The following CNTNAP2 variants were observed in gnomAD, a reference collection of about 807,000 sequenced individuals.
The protein encoded by CNTNAP2 is contactin-associated protein-like 2.
In CNTNAP2, 98 loss-of-function variants were observed where a neutral mutation model predicts 155.2. The ratio of observed to expected loss-of-function variants is 0.63; its 90% CI spans 0.54 to 0.75. CNTNAP2 has a LOEUF of 0.75. CNTNAP2 is among the 30% of genes least tolerant of loss of function. CNTNAP2 has a pLI of 0.00. For synonymous variants in CNTNAP2, 651 were observed against 631.2 expected (o/e 1.03, Z -0.47); for missense variants, 1,727 against 1,688.1 (o/e 1.02, Z -0.40).
chr7:146,484,219 G>A (rs182301928), intron 1 of CNTNAP2, among the ~76,000 whole-genome samples: 1 of 152,158 alleles, frequency 6.6e-6, no homozygotes, highest in Non-Finnish European at 1.5e-5. Flanking sequence ...TACCATTTAG[G>A]TTTGGTTAAG....
chr7:147,671,464 AT>A (rs1795785598), intron 13 of CNTNAP2, among the ~76,000 whole-genome samples: 1 of 152,216 alleles, frequency 6.6e-6, no homozygotes, highest in African/African-American at 2.4e-5. Flanking sequence ...TTCAAATTAT[AT>A]CTCATGAAAA....
rs1231355375 is a variant in CNTNAP2, at chr7:146,947,408, C to CTATA, written c.403-96498_403-96497insATAT. ...TTTCTCTCTCTCTCTCTCTCTCTCT[C>CTATA]TCTATATATATATATATATATACAT... On this transcript the variant is annotated intron_variant, in intron 3 of 23. Coordinates refer to ENST00000361727, the MANE Select transcript of CNTNAP2 (RefSeq NM_014141.6). 4.7e-4 allele frequency among the ~76,000 whole-genome samples: 58 copies of CTATA among 123,448 alleles called. 2 individuals carry two copies. Among genetic ancestry groups the CTATA allele is most frequent in the African/African-American group, 1.7e-3 (52 of 31,224 alleles). 81.0% of individuals were successfully genotyped at this position (123,448 alleles called of 152,430 possible). A position where few individuals can be genotyped will look rare whatever the true frequency, so the allele number is the denominator to read the frequency against.
At chr7:147,083,806 T>C (rs893320474) in intron 4 of CNTNAP2, among the ~76,000 whole-genome samples, 3 of 138,756 alleles carry the variant, frequency 2.2e-5, no homozygotes, top group African/African-American at 5.5e-5. Flanking sequence ...TATACACATG[T>C]ATGTACATAT....
intron 3 of CNTNAP2, chr7:146,915,733 A>G (rs1380760312): frequency 6.6e-6 from 1 of 152,096 alleles, no homozygotes; most frequent in Non-Finnish European, 1.5e-5. Context: ...ATGAGTCTTT[A>G]GGGTTTTCTA....
At chr7:147,652,086 A>G (rs989638732) in intron 13 of CNTNAP2, among the ~76,000 whole-genome samples, 3 of 152,218 alleles carry the variant, frequency 2.0e-5, no homozygotes, top group African/African-American at 4.8e-5. Flanking sequence ...CATAAATTTT[A>G]TTTCAGAGAC....
At chr7:147,115,109 CT>C (rs1458234203) in intron 5 of CNTNAP2, among the ~76,000 whole-genome samples, 1 of 152,156 alleles carries the variant, frequency 6.6e-6, no homozygotes, top group Non-Finnish European at 1.5e-5. Context: ...GTTGGAAATT[CT>C]TTTCTTTAAG....
At chr7:147,896,066 G>C (rs1357142046) in intron 13 of CNTNAP2, among the ~76,000 whole-genome samples, 1 of 152,218 alleles carries the variant, frequency 6.6e-6, no homozygotes, top group Admixed American at 6.5e-5. Context: ...GTTATATGAA[G>C]ACTAAAGTAT....
chr7:147,466,983 T>G (rs781753724), intron 10 of CNTNAP2, among the ~76,000 whole-genome samples: 7 of 152,232 alleles, frequency 4.6e-5, no homozygotes, highest in Non-Finnish European at 8.8e-5. Context: ...ATCTTTTATT[T>G]AAGTTAATGT....
At chr7:146,460,992 C>T (rs796919591) in intron 1 of CNTNAP2, among the ~76,000 whole-genome samples, 13 of 152,236 alleles carry the variant, frequency 8.5e-5, no homozygotes, top group African/African-American at 3.1e-4. Context: ...AGCACAAAAA[C>T]AAGTATGGGA....
intron 1 of CNTNAP2, among the ~76,000 whole-genome samples, chr7:146,319,014 G>A (rs1471627052): frequency 6.6e-6 from 1 of 152,088 alleles, no homozygotes; most frequent in Admixed American, 6.6e-5. Flanking sequence ...AAAAGGTAGA[G>A]TAATACGCCC....
intron 3 of CNTNAP2, among the ~76,000 whole-genome samples, chr7:147,025,851 G>C (rs1028738766): frequency 3.0e-5 from 4 of 134,954 alleles, no homozygotes; most frequent in Non-Finnish European, 6.4e-5. Flanking sequence ...TGTTGCTGTT[G>C]TTTTTTTTTT....
intron 1 of CNTNAP2, among the ~76,000 whole-genome samples, chr7:146,486,109 G>C (rs1241612473): frequency 1.6e-5 from 2 of 123,988 alleles, no homozygotes; most frequent in Non-Finnish European, 3.2e-5. Context: ...GTGTCGCCCA[G>C]GCTGGAGTGC....
At chr7:146,564,378 ATC>A (rs2129144833) in intron 1 of CNTNAP2, among the ~76,000 whole-genome samples, 1 of 151,982 alleles carries the variant, frequency 6.6e-6, no homozygotes, top group African/African-American at 2.4e-5. Context: ...CTGTATCTAT[ATC>A]TCTGTCGGTT....
At chr7:146,339,946 G>C (rs1320197968) in intron 1 of CNTNAP2, among the ~76,000 whole-genome samples, 2 of 152,002 alleles carry the variant, frequency 1.3e-5, no homozygotes, top group East Asian at 3.9e-4. Context: ...CGAGGCGGGC[G>C]GATCACGAGG....
At chr7:147,761,372 A>G (rs955137363) in intron 13 of CNTNAP2, among the ~76,000 whole-genome samples, 1 of 152,122 alleles carries the variant, frequency 6.6e-6, no homozygotes, top group Non-Finnish European at 1.5e-5. Flanking sequence ...CCCAACTCCA[A>G]GCACATGCCT....
chr7:148,225,200 A>G (rs754507261), intron 19 of CNTNAP2, among the ~76,000 whole-genome samples: 4 of 152,230 alleles, frequency 2.6e-5, no homozygotes, highest in Non-Finnish European at 5.9e-5. Flanking sequence ...ACAAATTGGT[A>G]CAATCTATAG....
At chr7:146,692,741 T>A (rs1800718520) in intron 1 of CNTNAP2, among the ~76,000 whole-genome samples, 1 of 152,158 alleles carries the variant, frequency 6.6e-6, no homozygotes. Flanking sequence ...AAAGTTTCTG[T>A]AGCTATCTGA....
intron 1 of CNTNAP2, among the ~76,000 whole-genome samples, chr7:146,254,043 C>T (rs1381761554): frequency 2.6e-5 from 4 of 151,840 alleles, no homozygotes; most frequent in Admixed American, 2.6e-4. Flanking sequence ...GCCTGGGTGA[C>T]AGAACAAGAC....
chr7:146,688,803 C>T (rs116672371), intron 1 of CNTNAP2, among the ~76,000 whole-genome samples: 4,863 of 152,120 alleles, frequency 0.032, 266 homozygotes, highest in African/African-American at 0.11. Flanking sequence ...GACATAAAAA[C>T]AAAGACTATT....
Sources: gnomAD v4.1 joint callset for allele counts (sites outside exome capture counted in the v4.1 genomes callset) on GRCh38, gnomAD v4.1.1 for gene constraint, MANE v1.5 for transcripts, NCBI Gene and HGNC (gene_info 2026-07-23, HGNC 2026-07-21) for gene names.